PCDHGA2: variants seen among roughly 807,000 people sequenced by gnomAD.
The protein encoded by PCDHGA2 is protocadherin gamma-A2.
Under a neutral mutation model 59.2 loss-of-function variants are expected in PCDHGA2, and 40 were observed. The ratio of observed to expected loss-of-function variants is 0.68; its 90% CI spans 0.52 to 0.88. The LOEUF (loss-of-function observed/expected upper bound fraction) is 0.88, where lower values mean the gene tolerates loss of function less well. Ranked by LOEUF, PCDHGA2 falls within the 40% of genes least tolerant of loss-of-function variation. The pLI, the probability that PCDHGA2 is intolerant of heterozygous loss-of-function variation, is 0.00. For synonymous variants in PCDHGA2, 560 were observed against 526.0 expected, an observed-to-expected ratio of 1.06 and a Z score of -0.89; for missense variants, 1,226 against 1,204.0, an observed-to-expected ratio of 1.02 and a Z score of -0.27.
intron 1 of PCDHGA2, chr5:141,356,995 G>A (rs372951385): frequency 6.2e-7 from 1 of 1,614,184 alleles, no homozygotes; most frequent in East Asian, 2.2e-5. Flanking sequence ...CAGAGACTCA[G>A]GTCAGAATGC....
intron 1 of PCDHGA2, chr5:141,383,523 C>A (rs1337208290): frequency 1.2e-6 from 2 of 1,612,324 alleles, no homozygotes; most frequent in African/African-American, 2.7e-5. Flanking sequence ...AGCGGGTTCA[C>A]CACCTGGTCC....
In PCDHGA2 at chr5:141,474,958, C is replaced by T. The variant is rs114469479; in HGVS notation, c.2425-19849C>T. On this transcript the variant is annotated intron_variant, in intron 1 of 3. Transcript: ENST00000394576. ...CACAGTGGACTCTTTTATTCACTAT[C>T]CTAATCATTATAATTTTGTTTGGTG... is the stretch of plus-strand genomic sequence containing the variant. Among the ~76,000 whole-genome samples the T allele has an allele frequency of 4.4e-3, 666 of 152,340 alleles. 6 individuals are homozygous for T. The highest frequency in any genetic ancestry group is 0.015 in the African/African-American group (634 of 41,572).
chr5:141,398,578 A>C (rs370163028), intron 1 of PCDHGA2: 29 of 1,613,942 alleles, frequency 1.8e-5, no homozygotes, highest in Admixed American at 3.3e-5. Context: ...GCCTGGCACA[A>C]GATTTATACT....
chr5:141,363,918 A>G (rs935421422), intron 1 of PCDHGA2, among the ~76,000 whole-genome samples: 6 of 152,216 alleles, frequency 3.9e-5, no homozygotes, highest in African/African-American at 1.4e-4. Flanking sequence ...AAATTTTTGT[A>G]AGGTATTGAG....
Position 141,400,401 on chromosome 5 carries a change from G to A in PCDHGA2, c.2424+59006G>A, listed in dbSNP as rs760681088. 4 of 1,613,936 alleles carry A rather than the reference G, an allele frequency of 2.5e-6. No homozygotes were observed. The South Asian group carries it at 4.4e-5, about 18-fold the overall frequency. ...TATGTGTTGCACATACAGGAAAGAC[G>A]GAGTTTAATTTCCTAAAATGTAGTG... On this transcript the variant is annotated intron_variant, in intron 1 of 3. Transcript: ENST00000394576.
intron 1 of PCDHGA2, chr5:141,346,638 G>T (rs1354004372): frequency 5.5e-6 from 5 of 911,444 alleles, no homozygotes; most frequent in Non-Finnish European, 8.2e-6. Context: ...TCTGGTTATG[G>T]TTGAGTGGGC....
intron 1 of PCDHGA2, chr5:141,350,354 C>T: frequency 1.3e-6 from 2 of 1,564,932 alleles, no homozygotes; most frequent in South Asian, 1.2e-5. Context: ...CCAGCAGATC[C>T]GATACACGAT....
At chr5:141,351,104 C>A (rs758554557) in intron 1 of PCDHGA2, 18 of 1,613,946 alleles carry the variant, frequency 1.1e-5, no homozygotes, top group Non-Finnish European at 1.4e-5. Context: ...CCTCAATTCC[C>A]CAATAAGTAC....
chr5:141,374,666 G>T (rs1770705641), intron 1 of PCDHGA2: 3 of 1,611,404 alleles, frequency 1.9e-6, no homozygotes, highest in Non-Finnish European at 2.5e-6. Flanking sequence ...CCCGGAGCTG[G>T]TGCTGGAGGG....
At chr5:141,475,950 C>T (rs1236145505) in intron 1 of PCDHGA2, 3 of 761,526 alleles carry the variant, frequency 3.9e-6, no homozygotes, top group East Asian at 2.7e-5. Context: ...CCCCTTTCTG[C>T]GCCCCGGGAT....
chr5:141,340,084 A>G lies in PCDHGA2; in HGVS notation c.1113A>G (p.Val371=), dbSNP rs1756904753. ...LPGTIIGLFN[V]HDRDSGQNAF... is the part of the protein sequence containing the mutation. The stretch of plus-strand genomic sequence containing the variant: ...GAACCATAATTGGGCTTTTTAATGT[A>G]CATGATAGAGACTCTGGGCAGAACG... The change falls in exon 1 of 4, where the codon GTA becomes GTG. Residue 371 remains valine (V), a synonymous_variant. Transcript: ENST00000394576. 1.9e-6 allele frequency: 3 copies of G among 1,614,094 alleles called. No individual in the cohort carries two copies. Among genetic ancestry groups the G allele is most frequent in the South Asian group, 1.1e-5 (1 of 91,074 alleles).
At chr5:141,414,668 A>C in intron 1 of PCDHGA2, 1 of 1,613,856 alleles carries the variant, frequency 6.2e-7, no homozygotes, top group East Asian at 2.2e-5. Context: ...CTGGCTGAAG[A>C]CACCATCCAG....
At chr5:141,410,086 G>T in intron 1 of PCDHGA2, 1 of 1,612,588 alleles carries the variant, frequency 6.2e-7, no homozygotes, top group Non-Finnish European at 8.5e-7. Flanking sequence ...AGGTGCGCAC[G>T]GCTCGAGCCT....
intron 1 of PCDHGA2, chr5:141,419,497 G>A (rs1357823931): frequency 6.2e-7 from 1 of 1,612,390 alleles, no homozygotes; most frequent in South Asian, 1.1e-5. Context: ...GCGCCAATGT[G>A]AGCCTGCGCG....
At chr5:141,419,204 G>A (rs1291977951) in intron 1 of PCDHGA2, 1 of 1,613,798 alleles carries the variant, frequency 6.2e-7, no homozygotes, top group Non-Finnish European at 8.5e-7. Flanking sequence ...CAATGACAAC[G>A]CGCCGGTTTT....
intron 1 of PCDHGA2, chr5:141,390,367 T>C (rs2092130153): frequency 6.6e-7 from 1 of 1,518,766 alleles, no homozygotes; most frequent in African/African-American, 1.4e-5. Flanking sequence ...TGCAGGAAAA[T>C]ATATAATTTT....
intron 1 of PCDHGA2, chr5:141,393,663 AT>A (rs1334579066): frequency 6.2e-7 from 1 of 1,613,820 alleles, no homozygotes; most frequent in East Asian, 2.2e-5. Flanking sequence ...ATTCCGGAAA[AT>A]TAATGAAAAA....
At chr5:141,362,890 A>T (rs933124427) in intron 1 of PCDHGA2, among the ~76,000 whole-genome samples, 2 of 152,196 alleles carry the variant, frequency 1.3e-5, no homozygotes, top group African/African-American at 4.8e-5. Context: ...TTTTAGTTTT[A>T]CTTCCTCTTA....
rs750967343 is a variant in PCDHGA2 at position 141,357,091 on chromosome 5, G to A, written c.2424+15696G>A. On this transcript the variant is annotated intron_variant, in intron 1 of 3. Transcript: ENST00000394576. ...CACAGGCGAGGTGCGCACCGCACGG[G>A]CCCTGCTGGACAGAGACGCGCTCAA... is the stretch of plus-strand genomic sequence containing the variant. 18 of 1,613,788 alleles carry A rather than the reference G, an allele frequency of 1.1e-5. No homozygotes were observed. The highest frequency in any genetic ancestry group is 8.8e-5 in the South Asian group (8 of 91,090).
Sources: gnomAD v4.1 joint callset for allele counts (sites outside exome capture counted in the v4.1 genomes callset) on GRCh38, gnomAD v4.1.1 for gene constraint, MANE v1.5 for transcripts, NCBI Gene and HGNC (gene_info 2026-07-23, HGNC 2026-07-21) for gene names.